Variants in FBN3 observed in about 807,000 individuals in gnomAD.
FBN3 encodes fibrillin-3.
Under a neutral mutation model 330.1 loss-of-function variants are expected in FBN3, and 234 were observed. The ratio of observed to expected loss-of-function variants is 0.71; its 90% confidence interval spans 0.64 to 0.79. The LOEUF is 0.79. Ranked by LOEUF, FBN3 falls within the 30% of genes least tolerant of loss-of-function variation. FBN3 has a pLI of 0.00. For missense variants in FBN3, 3,606 were observed against 3,886.9 expected (o/e 0.93, Z 1.92); for synonymous variants, 1,458 against 1,517.3 (o/e 0.96, Z 0.91).
At position 8,090,152 on chromosome 19, in the gene FBN3, CT is replaced by C; in HGVS notation, c.6130del (p.Arg2044GlyfsTer42). The C allele has an allele frequency of 6.2e-7, 1 of 1,614,066 alleles. No homozygotes were observed. Among genetic ancestry groups the C allele is most frequent in the Non-Finnish European group, 8.5e-7 (1 of 1,180,006 alleles). The part of the protein sequence containing the change: ...TTKTRCCCSK[R>X]PGEGWGDPCE... ...GGGGTCTCCCCAGCCCTCCCCAGGC[CT>C]CTTACTGCAGCAGCAGCGGGTCTTG... On this transcript the variant is annotated frameshift_variant, in exon 49 of 64. Transcript: ENST00000600128. LOFTEE classifies it high-confidence loss of function.
At chr19:8,147,240 C>T (rs1388733620) in intron 2 of FBN3, 54 bp from the exon 3 acceptor site, 1 of 1,556,544 alleles carries the variant, frequency 6.4e-7, no homozygotes, top group Non-Finnish European at 8.7e-7. Flanking sequence ...GGACATCCCC[C>T]CGGGTATTCC....
intron 6 of FBN3, among the ~76,000 whole-genome samples, chr19:8,143,607 C>T (rs1270994296): frequency 6.7e-6 from 1 of 150,144 alleles, no homozygotes; most frequent in African/African-American, 2.5e-5. Flanking sequence ...CATGCCTCAG[C>T]CTTCCAAGTA....
Position 8,109,798 on chromosome 19 carries a change from G to GC in FBN3, c.4334-46dup. The GC allele has an allele frequency of 2.1e-6, 3 of 1,442,078 alleles. No homozygotes were observed. Among genetic ancestry groups the GC allele is most frequent in the Non-Finnish European group, 2.7e-6 (3 of 1,096,238 alleles). The allele number at this position is 1,442,078 out of a possible 1,614,324, so 89.3% of individuals were successfully genotyped here. A position where few individuals can be genotyped will look rare whatever the true frequency, so the allele number is the denominator to read the frequency against. On this transcript the variant is annotated intron_variant, in intron 34 of 63. Coordinates refer to ENST00000600128, the MANE Select transcript of FBN3 (RefSeq NM_032447.5). This position sits in a 1 kb window ranked among gnomAD's most constrained non-coding sequence, Gnocchi z 5.2. ...TCCTCAGCAGGGAGCCCCTTCCTCG[G>GC]CCCCCCTCCCTCCTAGCTTCATCCT...
Position 8,089,584 on chromosome 19 carries a change from A to T in FBN3, c.6337T>A (p.Phe2113Ile). The T allele has an allele frequency of 6.2e-7, 1 of 1,614,186 alleles. No individual in the cohort carries two copies. Among genetic ancestry groups the T allele is most frequent in the South Asian group, 1.1e-5 (1 of 91,082 alleles). Residue 2113 changes from phenylalanine to isoleucine, a missense_variant, in exon 51 of 64, where the codon TTT becomes ATT. Physicochemically the swap from Phe to Ile is conservative, Grantham distance 21 (BLOSUM62 0). Coordinates refer to ENST00000600128, the MANE Select transcript of FBN3 (RefSeq NM_032447.5). ...CCAGTGAAGTCCAGGCTGTAGCCAA[A>T]GGGACACTCACAGCGGAAGGATCCA... The part of the protein sequence containing the change: ...TDGSFRCECP[F>I]GYSLDFTGIN...
Position 8,096,882 on chromosome 19 carries a change from C to T in FBN3, c.5412G>A (p.Val1804=). ...CCTCCTCCCAGGGACCCTGCTCACC[C>T]ACACAAGCCCCGCCTGGCGACAGTT... ...GYKLSPGGAC[V]GRNECREIPN... The change falls in exon 43 of 64, where the codon GTG becomes GTA. Residue 1804 remains valine (V), a splice_region_variant and synonymous_variant. Coordinates refer to ENST00000600128, the MANE Select transcript of FBN3 (RefSeq NM_032447.5). This position sits in a 1 kb window ranked among gnomAD's most constrained non-coding sequence, Gnocchi z 4.6. The T allele has an allele frequency of 6.2e-7, 1 of 1,612,940 alleles. No homozygotes were observed. The highest frequency in any genetic ancestry group is 1.1e-5 in the South Asian group (1 of 91,078).
intron 1 of FBN3, 57 bp from the exon 2 acceptor site, chr19:8,147,554 A>T: frequency 7.4e-7 from 1 of 1,352,030 alleles, no homozygotes; most frequent in South Asian, 1.8e-5. Flanking sequence ...GCCATGGGGG[A>T]CCCAACACAA....
In FBN3 at chr19:8,121,600, G is replaced by A. The variant is rs1599391232; in HGVS notation, c.3083-214C>T. Among the ~76,000 whole-genome samples, 2 of 152,196 alleles carry A rather than the reference G, an allele frequency of 1.3e-5. No individual in the cohort carries two copies. The highest frequency in any genetic ancestry group is 4.8e-5 in the African/African-American group (2 of 41,454). On this transcript the variant is annotated intron_variant, in intron 24 of 63. Coordinates refer to ENST00000600128, the MANE Select transcript of FBN3 (RefSeq NM_032447.5). The surrounding 1 kb of genome is among the most constrained non-coding windows in gnomAD (Gnocchi z 4.5). The stretch of plus-strand genomic sequence containing the variant: ...TGTAGATATGACAGGCAGAACAGAA[G>A]CCCCCAAAAGGAGCCGAGGAAATGG...
Position 8,110,867 on chromosome 19 carries a change from G to T in FBN3, c.4311C>A (p.Asp1437Glu). The stretch of plus-strand genomic sequence containing the variant: ...CACCTGTGCAGTTGCCACCCCCTCG[G>T]TCCAGTTCGTAGCCACCATTGCAGA... ...RCICNGGYEL[D>E]RGGGNCTDIN... The change falls in exon 34 of 64, where the codon GAC becomes GAA. Residue 1437 changes from aspartate to glutamate, a missense_variant. Coordinates refer to ENST00000600128, the MANE Select transcript of FBN3 (RefSeq NM_032447.5). 1 of 1,614,160 alleles carries T rather than the reference G, an allele frequency of 6.2e-7. No individual in the cohort carries two copies. The highest frequency in any genetic ancestry group is 8.5e-7 in the Non-Finnish European group (1 of 1,180,032).
intron 42 of FBN3, 23 bp from the exon 43 acceptor site, chr19:8,097,029 G>T (rs78619893): frequency 0.099 from 159,477 of 1,606,946 alleles, 8,740 homozygotes; most frequent in South Asian, 0.12. Flanking sequence ...AGCAAATGAG[G>T]TGGGGGTGAC....
In FBN3 at chr19:8,135,951, C is replaced by T; in HGVS notation, c.1591+10G>A. On this transcript the variant is annotated intron_variant, in intron 13 of 63. Transcript: ENST00000600128. ...GGAAGCCCCTGCCCACCCGCCCACC[C>T]CCAACTCACCCACACAGTTCTTGCC... 1 of 585,932 alleles carries T rather than the reference C, an allele frequency of 1.7e-6. No individual in the cohort carries two copies. Among genetic ancestry groups the T allele is most frequent in the Non-Finnish European group, 3.1e-6 (1 of 327,420 alleles). The allele number at this position is 585,932 out of a possible 1,614,324, so 36.3% of individuals were successfully genotyped here. A position where few individuals can be genotyped will look rare whatever the true frequency, so the allele number is the denominator to read the frequency against.
chr19:8,118,052 C>G (rs2082748939), intron 26 of FBN3, among the ~76,000 whole-genome samples: 1 of 145,324 alleles, frequency 6.9e-6, no homozygotes, highest in South Asian at 2.2e-4. Flanking sequence ...CACACTCACA[C>G]ATACACACAC....
At chr19:8,135,935 T>TGGGGGG in intron 13 of FBN3, 26 bp downstream of exon 13, 7 of 1,344,134 alleles carry the variant, frequency 5.2e-6, no homozygotes, top group Non-Finnish European at 6.0e-6. Context: ...CGGAAGCCCC[T>TGGGGGG]GCCCACCCGC....
Position 8,087,089 on chromosome 19 carries a change from C to G in FBN3, c.6742G>C (p.Glu2248Gln), listed in dbSNP as rs1382429731. The G allele has an allele frequency of 6.2e-7, 1 of 1,608,910 alleles. No individual in the cohort carries two copies. The highest frequency in any genetic ancestry group is 8.5e-7 in the Non-Finnish European group (1 of 1,179,322). ...CAGTGCCCCATACCTGTGCAGCCCT[C>G]CCCAGAGCCAGGCAGGGGCCGCATG... ...PGMRPLPGSG[E>Q]GCTDDNECHA... is the part of the protein sequence containing the mutation. The change falls in exon 54 of 64, where the codon GAG (glutamate) becomes CAG (glutamine). Residue 2248 changes from glutamate (E) to glutamine (Q), a missense_variant. Glu to Gln is a conservative substitution (Grantham distance 29). Coordinates refer to ENST00000600128, the MANE Select transcript of FBN3 (RefSeq NM_032447.5).
chr19:8,115,019 C>T (rs2082675370), intron 30 of FBN3, among the ~76,000 whole-genome samples: 1 of 152,044 alleles, frequency 6.6e-6, no homozygotes, highest in Non-Finnish European at 1.5e-5. Flanking sequence ...CTATGCCTGG[C>T]TAATTTTTGT....
At chr19:8,146,366 A>G in intron 3 of FBN3, 141 bp from the exon 4 acceptor site, 1 of 701,208 alleles carries the variant, frequency 1.4e-6, no homozygotes. Context: ...AGCACACCCC[A>G]CCCCTGTTTT....
chr19:8,085,657 T>A, intron 55 of FBN3, 88 bp from the exon 56 acceptor site: 1 of 995,964 alleles, frequency 1.0e-6, no homozygotes, highest in Middle Eastern at 2.8e-4. Flanking sequence ...AAGCTGTATT[T>A]TGGGGGTGTT....
intron 32 of FBN3, 146 bp from the exon 33 acceptor site, chr19:8,111,329 G>T (rs1339420172): frequency 1.0e-5 from 11 of 1,074,546 alleles, no homozygotes; most frequent in Non-Finnish European, 1.4e-5. Flanking sequence ...TGACTTGGGG[G>T]TGGGAGGCGA....
chr19:8,141,664 C>T, intron 8 of FBN3, 53 bp downstream of exon 8: 1 of 1,565,542 alleles, frequency 6.4e-7, no homozygotes. Context: ...CCTGAGCCCC[C>T]CAGGTCATGA....
At chr19:8,125,284 C>T (rs2082949969) in intron 22 of FBN3, among the ~76,000 whole-genome samples, 3 of 152,002 alleles carry the variant, frequency 2.0e-5, no homozygotes, top group African/African-American at 4.8e-5. Flanking sequence ...TGTGGTGGTG[C>T]ACACCTGTAG....
Sources: gnomAD v4.1 joint callset for allele counts (sites outside exome capture counted in the v4.1 genomes callset) on GRCh38, gnomAD v4.1.1 for gene constraint, Gnocchi (gnomAD v3.1) non-coding constraint, MANE v1.5 for transcripts, NCBI Gene and HGNC (gene_info 2026-07-23, HGNC 2026-07-21) for gene names.